Variants in PLCB1 observed in about 807,000 individuals in gnomAD.
PLCB1 encodes 1-phosphatidylinositol 4,5-bisphosphate phosphodiesterase beta-1.
Under a neutral mutation model 161.8 loss-of-function variants are expected in PLCB1, and 46 were observed. That is an observed-to-expected ratio of 0.28 (90% CI 0.22 to 0.36). The LOEUF is 0.36. Ranked by LOEUF, PLCB1 falls within the 10% of genes least tolerant of loss-of-function variation. The pLI, the probability that PLCB1 is intolerant of heterozygous loss-of-function variation, is 1.00. For missense variants in PLCB1, 1,016 were observed against 1,472.5 expected, an observed-to-expected ratio of 0.69 and a Z score of 5.07; for synonymous variants, 517 against 503.7, an observed-to-expected ratio of 1.03 and a Z score of -0.35.
At chr20:8,764,420 T>A (rs1982208891) in intron 25 of PLCB1, among the ~76,000 whole-genome samples, 1 of 152,152 alleles carries the variant, frequency 6.6e-6, no homozygotes, top group Admixed American at 6.5e-5. Context: ...TTAAATACTT[T>A]CCATGAGTTC....
intron 31 of PLCB1, among the ~76,000 whole-genome samples, chr20:8,870,322 C>T (rs912789579): frequency 4.6e-5 from 7 of 152,152 alleles, no homozygotes; most frequent in African/African-American, 1.2e-4. Flanking sequence ...TTTTCTGAGA[C>T]GTCAAAGTCA....
chr20:8,483,080 T>G (rs545825650), intron 3 of PLCB1, among the ~76,000 whole-genome samples: 1 of 152,230 alleles, frequency 6.6e-6, no homozygotes, highest in Non-Finnish European at 1.5e-5. Flanking sequence ...TAGCCCTGGT[T>G]AATTAACCAG....
intron 4 of PLCB1, among the ~76,000 whole-genome samples, chr20:8,640,880 G>A (rs746141872): frequency 2.6e-5 from 4 of 152,084 alleles, no homozygotes; most frequent in East Asian, 1.9e-4. Flanking sequence ...TTTTCCCGTG[G>A]AAGAATTTTC....
chr20:8,287,436 T>C (rs1186002794), intron 2 of PLCB1, among the ~76,000 whole-genome samples: 1 of 152,098 alleles, frequency 6.6e-6, no homozygotes, highest in East Asian at 1.9e-4. Context: ...CCCCAATACC[T>C]CATCTTGTCC....
At chr20:8,363,918 T>C (rs1986623505) in intron 2 of PLCB1, among the ~76,000 whole-genome samples, 1 of 152,222 alleles carries the variant, frequency 6.6e-6, no homozygotes, top group Non-Finnish European at 1.5e-5. Context: ...AGATAATACA[T>C]GCAAATTTTG....
rs2051318973 is a variant in PLCB1 at position 8,134,059 on chromosome 20, T to A, written c.99+1309T>A. Among the ~76,000 whole-genome samples the A allele has an allele frequency of 3.3e-5, 5 of 152,348 alleles. No homozygotes were observed. The South Asian group carries it at 1.0e-3, about 32-fold the overall frequency. On this transcript the variant is annotated intron_variant, in intron 1 of 31. Transcript: ENST00000338037. The stretch of plus-strand genomic sequence containing the variant: ...AGCTTCCTTGAAAGCTCGTGCCAAT[T>A]ATTAAATGCTGTAGGCAAGGATGTA...
chr20:8,335,712 T>C (rs1328867101), intron 2 of PLCB1, among the ~76,000 whole-genome samples: 1 of 152,260 alleles, frequency 6.6e-6, no homozygotes, highest in Non-Finnish European at 1.5e-5. Flanking sequence ...TCAAGTTCTA[T>C]GCAATTAATG....
chr20:8,146,898 A>T (rs1568569494), intron 1 of PLCB1, among the ~76,000 whole-genome samples: 1 of 152,244 alleles, frequency 6.6e-6, no homozygotes, highest in Non-Finnish European at 1.5e-5. Context: ...ATTATCTGCT[A>T]TTACTAACTT....
chr20:8,654,085 G>T (rs1191659956), intron 7 of PLCB1, among the ~76,000 whole-genome samples: 3 of 151,168 alleles, frequency 2.0e-5, no homozygotes, highest in East Asian at 1.9e-4. Context: ...TTTTAATTTG[G>T]CATTTGGATA....
chr20:8,794,494 G>C (rs145965676), intron 31 of PLCB1, among the ~76,000 whole-genome samples: 89 of 152,272 alleles, frequency 5.8e-4, no homozygotes, highest in African/African-American at 2.1e-3. Flanking sequence ...TAACTAGAAA[G>C]TGATCATAGC....
chr20:8,260,940 A>G (rs1384217652), intron 2 of PLCB1, among the ~76,000 whole-genome samples: 1 of 151,972 alleles, frequency 6.6e-6, no homozygotes, highest in Admixed American at 6.6e-5. Flanking sequence ...CAATCTGGAG[A>G]CTGCCCATGG....
At chr20:8,831,266 A>G (rs973177982) in intron 31 of PLCB1, 20 of 155,926 alleles carry the variant, frequency 1.3e-4, no homozygotes, top group African/African-American at 2.4e-5. Flanking sequence ...CTCTGTCCCC[A>G]TGATGTACTG....
chr20:8,431,520 GGTTTGCCACCAAAGGA>G (rs1331039884), intron 3 of PLCB1, among the ~76,000 whole-genome samples: 4 of 152,144 alleles, frequency 2.6e-5, no homozygotes, highest in African/African-American at 9.7e-5. Flanking sequence ...TTCCCAATAA[GGTTTGCCACCAAAGGA>G]GTTTGCTCTA....
At chr20:8,874,893 TG>T (rs1987725156) in intron 31 of PLCB1, among the ~76,000 whole-genome samples, 3 of 152,024 alleles carry the variant, frequency 2.0e-5, no homozygotes, top group Non-Finnish European at 4.4e-5. Flanking sequence ...TACAAGCCTA[TG>T]TTTGCCTTCT....
intron 2 of PLCB1, among the ~76,000 whole-genome samples, chr20:8,227,399 G>T (rs1224732329): frequency 2.0e-5 from 3 of 152,186 alleles, no homozygotes; most frequent in Non-Finnish European, 4.4e-5. Context: ...CAACCAGGCA[G>T]ATTTTTGATC....
intron 3 of PLCB1, among the ~76,000 whole-genome samples, chr20:8,426,817 A>G (rs1199920126): frequency 2.0e-5 from 3 of 152,240 alleles, no homozygotes; most frequent in Non-Finnish European, 4.4e-5. Context: ...TATACAATAA[A>G]ATATATTTAA....
intron 3 of PLCB1, among the ~76,000 whole-genome samples, chr20:8,388,528 T>C (rs532735283): frequency 9.1e-4 from 139 of 152,334 alleles, no homozygotes; most frequent in African/African-American, 3.2e-3. Context: ...GAAAACTCTT[T>C]ACACAACAAA....
intron 23 of PLCB1, among the ~76,000 whole-genome samples, chr20:8,747,089 A>G (rs1981211122): frequency 6.6e-6 from 1 of 152,214 alleles, no homozygotes. Flanking sequence ...TCTGACCTCC[A>G]TAGCAGGTTA....
intron 2 of PLCB1, among the ~76,000 whole-genome samples, chr20:8,311,325 C>T (rs1427638016): frequency 6.6e-6 from 1 of 152,172 alleles, no homozygotes; most frequent in African/African-American, 2.4e-5. Context: ...GTTCAATTGG[C>T]AGAATTTAGA....
Sources: gnomAD v4.1 joint callset for allele counts (sites outside exome capture counted in the v4.1 genomes callset) on GRCh38, gnomAD v4.1.1 for gene constraint, MANE v1.5 for transcripts, NCBI Gene and HGNC (gene_info 2026-07-23, HGNC 2026-07-21) for gene names.